Variants in CX3CR1 observed in about 807,000 individuals in gnomAD.
CX3CR1 encodes the protein CX3C chemokine receptor 1.
For missense variants in CX3CR1, 363 were observed against 432.4 expected (o/e 0.84, Z 1.42); for synonymous variants, 168 against 178.5 (o/e 0.94, Z 0.47).
At chr3:39,268,611 G>C (rs112147372) in intron 1 of CX3CR1, among the ~76,000 whole-genome samples, 3 of 152,288 alleles carry the variant, frequency 2.0e-5, no homozygotes, top group Admixed American at 6.5e-5. Context: ...ACCTCGAGAG[G>C]TGGCCAAATC....
chr3:39,274,313 T>C (rs945674102), intron 1 of CX3CR1, among the ~76,000 whole-genome samples: 1 of 152,010 alleles, frequency 6.6e-6, no homozygotes, highest in Non-Finnish European at 1.5e-5. Flanking sequence ...CTGAATTCCA[T>C]GTTAAGGAGC....
chr3:39,267,060 A>G (rs2040710274), intron 1 of CX3CR1, among the ~76,000 whole-genome samples: 1 of 152,212 alleles, frequency 6.6e-6, no homozygotes, highest in African/African-American at 2.4e-5. Context: ...CTAGGATTAC[A>G]GGCGTGAGCC....
intron 1 of CX3CR1, among the ~76,000 whole-genome samples, chr3:39,270,233 C>T (rs922886339): frequency 2.0e-5 from 3 of 152,190 alleles, no homozygotes; most frequent in South Asian, 2.1e-4. Flanking sequence ...GCCTTAGCTT[C>T]CTCCTCTAAA....
chr3:39,290,595 TC>T, the CX3CR1 span, among the ~76,000 whole-genome samples: 2 of 152,298 alleles, frequency 1.3e-5, 1 homozygote, highest in South Asian at 4.1e-4. Flanking sequence ...TAAACTGCCT[TC>T]CTTTTGTTCC....
chr3:39,292,730 C>G, the CX3CR1 span, among the ~76,000 whole-genome samples: 3 of 152,176 alleles, frequency 2.0e-5, no homozygotes, highest in Non-Finnish European at 4.4e-5. Flanking sequence ...GTGTCTCTCC[C>G]AAATTACACA....
chr3:39,265,847 G>A lies in CX3CR1; in HGVS notation c.663C>T (p.Cys221=), dbSNP rs897723430. The A allele has an allele frequency of 6.2e-7, 1 of 1,614,098 alleles. No individual in the cohort carries two copies. The highest frequency in any genetic ancestry group is 1.3e-5 in the African/African-American group (1 of 74,940). Residue 221 remains cysteine, a synonymous_variant, in exon 2 of 2, where the codon TGC becomes TGT. Transcript: ENST00000399220. The part of the protein sequence containing the change: ...YFRIIQTLFS[C]KNHKKAKAIK... ...TGGCTTTGGCTTTCTTGTGGTTCTT[G>A]CAGGAAAACAGCGTCTGGATGATTC...
chr3:39,275,971 G>A (rs534906923), intron 1 of CX3CR1, among the ~76,000 whole-genome samples: 16 of 151,516 alleles, frequency 1.1e-4, no homozygotes, highest in Admixed American at 2.6e-4. Flanking sequence ...TAAGGATGGG[G>A]AAAGTCTTCC....
chr3:39,280,008 G>T lies in CX3CR1; in HGVS notation c.-64C>A. The T allele has an allele frequency of 2.0e-6, 2 of 985,522 alleles. No individual in the cohort carries two copies. Among genetic ancestry groups the T allele is most frequent in the Non-Finnish European group, 2.4e-6 (2 of 830,002 alleles). 61.0% of individuals were successfully genotyped at this position (985,522 alleles called of 1,614,324 possible). A position where few individuals can be genotyped will look rare whatever the true frequency, so the allele number is the denominator to read the frequency against. On this transcript the variant is annotated 5_prime_UTR_variant, in exon 1 of 2. Coordinates refer to ENST00000399220, the MANE Select transcript of CX3CR1 (RefSeq NM_001337.4). The stretch of plus-strand genomic sequence containing the variant: ...ATCTGCCAGTCAGCCACCCTGTCCT[G>T]CTCAGACTTTACCAGAGACGAGTAT...
At position 39,266,245 on chromosome 3, in the gene CX3CR1, G is replaced by T; in HGVS notation, c.265C>A (p.His89Asn). Reference protein sequence around the residue: ...LFVATLPFWTHYLINEKGLHN... With the variant: ...LFVATLPFWTNYLINEKGLHN... Reference sequence around the variant, plus strand: ...AGGCCCTTTTCATTTATCAAATAGTGAGTCCAGAAGGGCAAAGTGGCTACA... The same window carrying T: ...AGGCCCTTTTCATTTATCAAATAGTTAGTCCAGAAGGGCAAAGTGGCTACA... The change falls in exon 2 of 2, where the codon CAC becomes AAC. Residue 89 changes from histidine (H) to asparagine (N), a missense_variant. By Grantham distance (68) the His-to-Asn change is moderately conservative. Transcript: ENST00000399220. 6.2e-7 allele frequency: 1 copy of T among 1,614,162 alleles called. No homozygotes were observed. The highest frequency in any genetic ancestry group is 8.5e-7 in the Non-Finnish European group (1 of 1,180,006).
At position 39,265,572 on chromosome 3, in the gene CX3CR1, G is replaced by A. The variant is rs137947370; in HGVS notation, c.938C>T (p.Ala313Val). 202 of 1,614,204 alleles carry A rather than the reference G, an allele frequency of 1.3e-4. 1 individual carries two copies. In the African/African-American group the frequency reaches 2.1e-3, roughly 17 times the overall value. The part of the protein sequence containing the change: ...YLYHLYGKCL[A>V]VLCGRSVHVD... ...GTGGACTGAGCGCCCACACAGGACA[G>A]CCAGGCATTTCCCATACAGGTGGTA... Residue 313 changes from alanine (A) to valine (V), a missense_variant, in exon 2 of 2, where the codon GCT (alanine) becomes GTT (valine). By Grantham distance (64) the Ala-to-Val change is moderately conservative. Coordinates refer to ENST00000399220, the MANE Select transcript of CX3CR1 (RefSeq NM_001337.4).
upstream of CX3CR1, chr3:39,286,519 C>T (rs907782781): frequency 1.3e-5 from 2 of 151,564 alleles, no homozygotes; most frequent in African/African-American, 2.4e-5. Context: ...GGCGCGGTGG[C>T]GGGCGCCTGT....
At chr3:39,291,555 G>A in the CX3CR1 span, among the ~76,000 whole-genome samples, 1 of 152,168 alleles carries the variant, frequency 6.6e-6, no homozygotes, top group Non-Finnish European at 1.5e-5. Flanking sequence ...CCTTTTTTGG[G>A]AGGCACATCC....
chr3:39,284,006 T>C (rs1466980488), upstream of CX3CR1, among the ~76,000 whole-genome samples: 2 of 151,564 alleles, frequency 1.3e-5, no homozygotes, highest in Non-Finnish European at 2.9e-5. Flanking sequence ...AGGTGATGCA[T>C]ACCCCATTTC....
upstream of CX3CR1, chr3:39,281,667 A>G (rs1426470992): frequency 3.1e-6 from 5 of 1,599,130 alleles, no homozygotes; most frequent in East Asian, 6.7e-5. Flanking sequence ...CAAGTCTGCC[A>G]ACTTAAACGC....
Position 39,266,469 on chromosome 3 carries a change from T to A in CX3CR1, c.41A>T (p.Tyr14Phe). The change falls in exon 2 of 2, where the codon TAC (tyrosine) becomes TTC (phenylalanine). Residue 14 changes from tyrosine to phenylalanine, a missense_variant. Coordinates refer to ENST00000399220, the MANE Select transcript of CX3CR1 (RefSeq NM_001337.4). ...FPESVTENFE[Y>F]DDLAEACYIG... ...ATAACAGGCCTCAGCCAAATCATCGTACTCAAAGTTTTCTGTCACTGATTC... is the reference window on the plus strand; with the variant it reads ...ATAACAGGCCTCAGCCAAATCATCGAACTCAAAGTTTTCTGTCACTGATTC... The A allele has an allele frequency of 1.2e-6, 2 of 1,614,062 alleles. No homozygotes were observed. The highest frequency in any genetic ancestry group is 2.2e-5 in the East Asian group (1 of 44,886).
At chr3:39,273,361 C>A (rs1001178679) in intron 1 of CX3CR1, among the ~76,000 whole-genome samples, 6 of 152,214 alleles carry the variant, frequency 3.9e-5, no homozygotes, top group Non-Finnish European at 8.8e-5. Context: ...CTCCCAGCAA[C>A]CATAGTGAGG....
At chr3:39,283,793 AAT>A (rs1491126961), upstream of CX3CR1, among the ~76,000 whole-genome samples, 5 of 63,922 alleles carry the variant, frequency 7.8e-5, no homozygotes, top group African/African-American at 6.3e-5. Context: ...AAAAAAAAAA[AAT>A]TATATATATA....
intron 1 of CX3CR1, among the ~76,000 whole-genome samples, chr3:39,273,003 G>A (rs896025416): frequency 3.3e-5 from 5 of 152,216 alleles, no homozygotes; most frequent in Non-Finnish European, 5.9e-5. Flanking sequence ...CCAGAGATTT[G>A]GTTAACTTGT....
intron 1 of CX3CR1, 158 bp from the exon 2 acceptor site, chr3:39,266,676 AC>A (rs1559777048): frequency 1.3e-6 from 1 of 798,722 alleles, no homozygotes; most frequent in Non-Finnish European, 2.2e-6. Flanking sequence ...TTTAATCCCC[AC>A]AACAGTCTTG....
Sources: gnomAD v4.1 joint callset for allele counts (sites outside exome capture counted in the v4.1 genomes callset) on GRCh38, gnomAD v4.1.1 for gene constraint, MANE v1.5 for transcripts, NCBI Gene and HGNC (gene_info 2026-07-23, HGNC 2026-07-21) for gene names.